Variants in CTNNA3 observed in about 807,000 individuals in gnomAD.
The protein encoded by CTNNA3 is catenin alpha-3.
Under a neutral mutation model 95.7 loss-of-function variants are expected in CTNNA3, and 76 were observed. The ratio of observed to expected loss-of-function variants is 0.79; its 90% CI spans 0.66 to 0.96. CTNNA3 has a LOEUF of 0.96. Among genes scored for constraint, CTNNA3 ranks in the 40% least tolerant of loss-of-function variants. The pLI is 0.00. For synonymous variants in CTNNA3, 431 were observed against 374.4 expected (o/e 1.15, Z -1.74); for missense variants, 1,191 against 1,089.8 (o/e 1.09, Z -1.31).
chr10:67,682,007 A>T (rs1343473989), intron 1 of CTNNA3, among the ~76,000 whole-genome samples: 2 of 152,014 alleles, frequency 1.3e-5, no homozygotes, highest in African/African-American at 4.8e-5. Flanking sequence ...AACACAAAAA[A>T]ATTAGCCAGG....
chr10:65,951,198 T>C (rs2077605402), intron 17 of CTNNA3, among the ~76,000 whole-genome samples: 1 of 152,184 alleles, frequency 6.6e-6, no homozygotes, highest in South Asian at 2.1e-4. Context: ...CAAAACTGCC[T>C]TCTGTAGCAT....
chr10:67,052,009 C>A (rs1387788939), intron 7 of CTNNA3, among the ~76,000 whole-genome samples: 2 of 152,120 alleles, frequency 1.3e-5, no homozygotes, highest in African/African-American at 4.8e-5. Flanking sequence ...CCCACCTCAG[C>A]CTCCCAAAGT....
chr10:67,761,133 T>C (rs906600690), intron 1 of CTNNA3, among the ~76,000 whole-genome samples: 2 of 152,168 alleles, frequency 1.3e-5, no homozygotes, highest in Non-Finnish European at 2.9e-5. Flanking sequence ...TGTTTGTGTA[T>C]ATAAACATAT....
intron 12 of CTNNA3, among the ~76,000 whole-genome samples, chr10:66,325,270 A>C (rs543026657): frequency 6.6e-6 from 1 of 152,104 alleles, no homozygotes; most frequent in South Asian, 2.1e-4. Context: ...TGAAAGAAAA[A>C]GAAACATTAA....
intron 11 of CTNNA3, among the ~76,000 whole-genome samples, chr10:66,412,263 A>G (rs2093111435): frequency 6.6e-6 from 1 of 152,094 alleles, no homozygotes; most frequent in South Asian, 2.1e-4. Flanking sequence ...GAGATTCTGG[A>G]AAAGAAAAAT....
chr10:66,927,526 A>T lies in CTNNA3; in HGVS notation c.1048-152002T>A, dbSNP rs770808958. 2.5e-6 allele frequency: 4 copies of T among 1,614,194 alleles called. No homozygotes were observed. The highest frequency in any genetic ancestry group is 3.4e-6 in the Non-Finnish European group (4 of 1,180,034). On this transcript the variant is annotated intron_variant, in intron 7 of 17. Coordinates refer to ENST00000433211, the MANE Select transcript of CTNNA3 (RefSeq NM_013266.4). The surrounding 1 kb of genome is among the most constrained non-coding windows in gnomAD (Gnocchi z 4.7). ...TTTAGCCAGGAATGTCTTTGCTGGCATGATCAGACTCAAAGAACTTCACCT... is the reference window on the plus strand; with the variant it reads ...TTTAGCCAGGAATGTCTTTGCTGGCTTGATCAGACTCAAAGAACTTCACCT...
At chr10:67,401,179 C>G (rs1169721453) in intron 5 of CTNNA3, among the ~76,000 whole-genome samples, 1 of 152,170 alleles carries the variant, frequency 6.6e-6, no homozygotes, top group Non-Finnish European at 1.5e-5. Flanking sequence ...GCAGCCCTCA[C>G]AAGATCACAC....
chr10:66,033,946 T>C (rs1023223640), intron 15 of CTNNA3, among the ~76,000 whole-genome samples: 1 of 152,228 alleles, frequency 6.6e-6, no homozygotes, highest in Non-Finnish European at 1.5e-5. Flanking sequence ...CTCTGGCATT[T>C]ACCACTTGTG....
At chr10:67,122,187 G>C (rs1305048470) in intron 7 of CTNNA3, among the ~76,000 whole-genome samples, 1 of 151,842 alleles carries the variant, frequency 6.6e-6, no homozygotes, top group Non-Finnish European at 1.5e-5. Context: ...CTCTACATAT[G>C]AAAACCTAAA....
At chr10:65,977,630 A>G (rs1407510124) in intron 16 of CTNNA3, among the ~76,000 whole-genome samples, 1 of 151,966 alleles carries the variant, frequency 6.6e-6, no homozygotes, top group African/African-American at 2.4e-5. Flanking sequence ...AAAATATGAA[A>G]TATTAGCCGG....
chr10:67,176,786 G>A (rs1862261416), intron 7 of CTNNA3: 1 of 380,386 alleles, frequency 2.6e-6, no homozygotes, highest in Non-Finnish European at 5.1e-6. Flanking sequence ...GAGGTTGGAA[G>A]CAGGGTCAGA....
intron 5 of CTNNA3, among the ~76,000 whole-genome samples, chr10:67,355,892 C>T (rs963504507): frequency 6.6e-6 from 1 of 151,898 alleles, no homozygotes; most frequent in Non-Finnish European, 1.5e-5. Context: ...CCTTATTCTC[C>T]AAGTCACACT....
rs73313977 is a variant in CTNNA3 at position 66,223,793 on chromosome 10, G to C, written c.1884+56677C>G. On this transcript the variant is annotated intron_variant, in intron 13 of 17. Coordinates refer to ENST00000433211, the MANE Select transcript of CTNNA3 (RefSeq NM_013266.4). ...ATATTCTTTCTGGTTGTGTCTTTCA[G>C]CCTGTTTCTGGATGAGATTAGCATT... Among the ~76,000 whole-genome samples the C allele has an allele frequency of 4.1e-3, 617 of 152,236 alleles. 6 individuals carry two copies. The highest frequency in any genetic ancestry group is 0.014 in the African/African-American group (574 of 41,542).
At chr10:66,475,355 C>T (rs184115397) in intron 11 of CTNNA3, among the ~76,000 whole-genome samples, 41 of 151,974 alleles carry the variant, frequency 2.7e-4, no homozygotes, top group Middle Eastern at 3.4e-3. Flanking sequence ...ATATTGGGGT[C>T]ATTTATTTTT....
Position 67,539,536 on chromosome 10 carries a change from A to T in CTNNA3, c.426T>A (p.Ile142=). 1 of 1,613,678 alleles carries T rather than the reference A, an allele frequency of 6.2e-7. No homozygotes were observed. Among genetic ancestry groups the T allele is most frequent in the Non-Finnish European group, 8.5e-7 (1 of 1,179,706 alleles). Residue 142 remains isoleucine, a synonymous_variant, in exon 4 of 18, where the codon ATT becomes ATA. Transcript: ENST00000433211. The stretch of plus-strand genomic sequence containing the variant: ...CATGTTGCAAGAGGCACATGACATC[A>T]ATCATGTCCGCAAGGATAAGGAGTC... ...VTRLLILADM[I]DVMCLLQHVS... is the part of the protein sequence containing the mutation.
rs115877412 is a variant in CTNNA3 at position 67,006,208 on chromosome 10, G to T, written c.1047+174109C>A. The stretch of plus-strand genomic sequence containing the variant: ...CACAAAGTCACAGAGACAGGAAGTG[G>T]CAGAGTCAGGATTTAAGTTTACTTC... On this transcript the variant is annotated intron_variant, in intron 7 of 17. Coordinates refer to ENST00000433211, the MANE Select transcript of CTNNA3 (RefSeq NM_013266.4). Among the ~76,000 whole-genome samples, 860 of 152,144 alleles carry T rather than the reference G, an allele frequency of 5.7e-3. 6 individuals are homozygous for T. Among genetic ancestry groups the T allele is most frequent in the African/African-American group, 0.02 (818 of 41,512 alleles).
chr10:66,322,668 A>C (rs1200571174), intron 12 of CTNNA3, among the ~76,000 whole-genome samples: 2 of 152,086 alleles, frequency 1.3e-5, no homozygotes, highest in Non-Finnish European at 2.9e-5. Context: ...GGCGGGAGGG[A>C]GTTGGCAGGA....
At chr10:65,978,276 C>T (rs1426636023) in intron 16 of CTNNA3, among the ~76,000 whole-genome samples, 1 of 152,092 alleles carries the variant, frequency 6.6e-6, no homozygotes, top group Non-Finnish European at 1.5e-5. Flanking sequence ...CTTATAATTG[C>T]CGCATTCATT....
intron 5 of CTNNA3, among the ~76,000 whole-genome samples, chr10:67,254,761 T>C (rs1866265441): frequency 6.6e-6 from 1 of 152,236 alleles, no homozygotes; most frequent in African/African-American, 2.4e-5. Flanking sequence ...AGTAACATGC[T>C]GTACAGGTTT....
Sources: allele counts gnomAD v4.1 joint callset (sites outside exome capture counted in the v4.1 genomes callset), GRCh38; gene constraint gnomAD v4.1.1; non-coding constraint Gnocchi (gnomAD v3.1); transcripts MANE v1.5; gene names NCBI Gene and HGNC (gene_info 2026-07-23, HGNC 2026-07-21).